The following PIK3CG variants were observed in gnomAD, a reference collection of about 807,000 sequenced individuals.
PIK3CG encodes phosphatidylinositol-4,5-bisphosphate 3-kinase catalytic subunit gamma, also known as phosphatidylinositol 4,5-bisphosphate 3-kinase catalytic subunit gamma isoform.
A neutral mutation model predicts 102.3 loss-of-function variants in PIK3CG; 55 were observed. The observed-to-expected ratio is 0.54, with a 90% CI of 0.43 to 0.67. The LOEUF is 0.67. Among genes scored for constraint, PIK3CG ranks in the 30% least tolerant of loss-of-function variants. PIK3CG has a pLI of 0.00. For missense variants in PIK3CG, 1,258 were observed against 1,391.8 expected, an observed-to-expected ratio of 0.90 and a Z score of 1.53; for synonymous variants, 552 against 540.0, an observed-to-expected ratio of 1.02 and a Z score of -0.31.
At chr7:106,896,196 G>T (rs898664350) in intron 10 of PIK3CG, among the ~76,000 whole-genome samples, 12 of 152,208 alleles carry the variant, frequency 7.9e-5, no homozygotes, top group Non-Finnish European at 1.3e-4. Flanking sequence ...GTACAGCAGG[G>T]ATAGGTGAAT....
rs1791451031 is a variant in PIK3CG at position 106,897,971 on chromosome 7, A to G, written c.3031-7138A>G. Among the ~76,000 whole-genome samples, 1 of 152,166 alleles carries G rather than the reference A, an allele frequency of 6.6e-6. No individual in the cohort carries two copies. Among genetic ancestry groups the G allele is most frequent in the African/African-American group, 2.4e-5 (1 of 41,432 alleles). ...AAGAATCGCCACATTGCTTTCCACAATGGTTGAACTAATTTACACTACCAC... is the reference window on the plus strand; with the variant it reads ...AAGAATCGCCACATTGCTTTCCACAGTGGTTGAACTAATTTACACTACCAC... On this transcript the variant is annotated intron_variant, in intron 10 of 10. Coordinates refer to ENST00000496166, the MANE Select transcript of PIK3CG (RefSeq NM_001282426.2). The surrounding 1 kb of genome is among the most constrained non-coding windows in gnomAD (Gnocchi z 4.6).
At position 106,903,925 on chromosome 7, in the gene PIK3CG, A is replaced by AT. The variant is rs1283582821; in HGVS notation, c.3031-1177dup. Reference sequence around the variant, plus strand: ...AGACACATGCCACCACACCCAGCTAATTTTTTTGTATTTTTAGTAGAGACG... The same window carrying AT: ...AGACACATGCCACCACACCCAGCTAATTTTTTTTGTATTTTTAGTAGAGACG... On this transcript the variant is annotated intron_variant, in intron 10 of 10. Transcript: ENST00000496166. The surrounding 1 kb of genome is among the most constrained non-coding windows in gnomAD (Gnocchi z 4.3). 4.0e-5 allele frequency among the ~76,000 whole-genome samples: 6 copies of AT among 151,528 alleles called. No individual in the cohort carries two copies. Among genetic ancestry groups the AT allele is most frequent in the Non-Finnish European group, 4.4e-5 (3 of 67,820 alleles).
rs558903050 is a variant in PIK3CG at position 106,879,055 on chromosome 7, A to G, written c.2392-464A>G. Among the ~76,000 whole-genome samples, 1 of 152,312 alleles carries G rather than the reference A, an allele frequency of 6.6e-6. No homozygotes were observed. The highest frequency in any genetic ancestry group is 1.9e-4 in the East Asian group (1 of 5,194). On this transcript the variant is annotated intron_variant, in intron 5 of 10. Transcript: ENST00000496166. The surrounding 1 kb of genome is among the most constrained non-coding windows in gnomAD (Gnocchi z 4.9). ...GCCAGATTTTCCATTTATTTCTGTT[A>G]AATTTCATCTGCTTAGATGTAGCCT...
rs1022959916 is a variant in PIK3CG, at chr7:106,895,995, C to A, written c.3031-9114C>A. Among the ~76,000 whole-genome samples, 1 of 152,190 alleles carries A rather than the reference C, an allele frequency of 6.6e-6. No homozygotes were observed. The highest frequency in any genetic ancestry group is 2.4e-5 in the African/African-American group (1 of 41,460). ...CTAAGTGTGTACAGCCCATCAGAATCTCGACACTGTGTTTGACAAGCATGG... is the reference window on the plus strand; with the variant it reads ...CTAAGTGTGTACAGCCCATCAGAATATCGACACTGTGTTTGACAAGCATGG... On this transcript the variant is annotated intron_variant, in intron 10 of 10. Coordinates refer to ENST00000496166, the MANE Select transcript of PIK3CG (RefSeq NM_001282426.2). This position sits in a 1 kb window ranked among gnomAD's most constrained non-coding sequence, Gnocchi z 5.4.
rs1280688272 is a variant in PIK3CG at position 106,879,213 on chromosome 7, T to G, written c.2392-306T>G. Among the ~76,000 whole-genome samples the G allele has an allele frequency of 6.6e-6, 1 of 152,146 alleles. No individual in the cohort carries two copies. Among genetic ancestry groups the G allele is most frequent in the Non-Finnish European group, 1.5e-5 (1 of 68,028 alleles). ...GTCTATTAAAGAGGATGTGGGAGTG[T>G]CAGAGCTCTGTGTGCGTGGGGAGGG... On this transcript the variant is annotated intron_variant, in intron 5 of 10. Coordinates refer to ENST00000496166, the MANE Select transcript of PIK3CG (RefSeq NM_001282426.2). The surrounding 1 kb of genome is among the most constrained non-coding windows in gnomAD (Gnocchi z 4.9).
chr7:106,908,248 C>A lies in PIK3CG; in HGVS notation c.*2861C>A, dbSNP rs905394831. Among the ~76,000 whole-genome samples, 1 of 152,202 alleles carries A rather than the reference C, an allele frequency of 6.6e-6. No individual in the cohort carries two copies. Among genetic ancestry groups the A allele is most frequent in the African/African-American group, 2.4e-5 (1 of 41,450 alleles). ...ACACCAAGCACAGTGCCCTTCTGAG[C>A]ATGAGGCTCTGTGTGACTGCATGGG... On this transcript the variant is annotated 3_prime_UTR_variant, in exon 11 of 11. Coordinates refer to ENST00000496166, the MANE Select transcript of PIK3CG (RefSeq NM_001282426.2). This position sits in a 1 kb window ranked among gnomAD's most constrained non-coding sequence, Gnocchi z 4.1.
At chr7:106,885,767 C>A (rs2116557998) in intron 9 of PIK3CG, among the ~76,000 whole-genome samples, 1 of 152,148 alleles carries the variant, frequency 6.6e-6, no homozygotes, top group East Asian at 1.9e-4. Flanking sequence ...TGCCCCCAAG[C>A]AGAGTGAAAC....
intron 10 of PIK3CG, among the ~76,000 whole-genome samples, chr7:106,900,239 A>G (rs910326352): frequency 1.3e-5 from 2 of 151,750 alleles, no homozygotes; most frequent in African/African-American, 4.8e-5. Flanking sequence ...TTATATATAT[A>G]TTTAGGCTAC....
rs777974045 is a variant in PIK3CG, at chr7:106,879,898, A to G, written c.2538+233A>G. ...AGTTGCATATCTAACACTCCCAAGT[A>G]GCCAGATATACCTCCCTCACCTAAT... On this transcript the variant is annotated intron_variant, in intron 6 of 10. Transcript: ENST00000496166. The surrounding 1 kb of genome is among the most constrained non-coding windows in gnomAD (Gnocchi z 4.9). 2.6e-5 allele frequency among the ~76,000 whole-genome samples: 4 copies of G among 152,240 alleles called. No homozygotes were observed. Among genetic ancestry groups the G allele is most frequent in the Admixed American group, 2.0e-4 (3 of 15,290 alleles).
Position 106,872,485 on chromosome 7 carries a change from A to G in PIK3CG, c.1996-52A>G, listed in dbSNP as rs1790565748. On this transcript the variant is annotated intron_variant, in intron 2 of 10. Transcript: ENST00000496166. The surrounding 1 kb of genome is among the most constrained non-coding windows in gnomAD (Gnocchi z 5.3). ...GTTCTTCTCCATTTCCTTTTCCCTG[A>G]TTCAACGACATAGAGTACAGTCCTA... 1.4e-6 allele frequency: 2 copies of G among 1,404,500 alleles called. No homozygotes were observed. The highest frequency in any genetic ancestry group is 2.0e-6 in the Non-Finnish European group (2 of 993,594). The allele number at this position is 1,404,500 out of a possible 1,614,324, so 87.0% of individuals were successfully genotyped here.
At chr7:106,875,938 C>T (rs775513902) in intron 5 of PIK3CG, among the ~76,000 whole-genome samples, 6 of 138,636 alleles carry the variant, frequency 4.3e-5, no homozygotes, top group Non-Finnish European at 7.6e-5. Context: ...GACGGAGTCT[C>T]GCTCTGTTGC....
rs751474737 is a variant in PIK3CG at position 106,868,042 on chromosome 7, G to A, written c.481G>A (p.Asp161Asn). The change falls in exon 2 of 11, where the codon GAC (aspartate) becomes AAC (asparagine). Residue 161 changes from aspartate (D) to asparagine (N), a missense_variant. Coordinates refer to ENST00000496166, the MANE Select transcript of PIK3CG (RefSeq NM_001282426.2). The surrounding 1 kb of genome is among the most constrained non-coding windows in gnomAD (Gnocchi z 6.2). ...GCAGCTCACGGCGCTGATTGGCTAT[G>A]ACGTCACTGACGTCAGCAACGTGCA... ...QRQLTALIGY[D>N]VTDVSNVHDD... 5 of 1,612,542 alleles carry A rather than the reference G, an allele frequency of 3.1e-6. No individual in the cohort carries two copies. The highest frequency in any genetic ancestry group is 4.2e-6 in the Non-Finnish European group (5 of 1,179,194).
In PIK3CG at chr7:106,906,533, A is replaced by G. The variant is rs2116623112; in HGVS notation, c.*1146A>G. On this transcript the variant is annotated 3_prime_UTR_variant, in exon 11 of 11. Coordinates refer to ENST00000496166, the MANE Select transcript of PIK3CG (RefSeq NM_001282426.2). Reference sequence around the variant, plus strand: ...ACTTGCCTTATCCATTTCCCATTTAAAGGACTTTTAAACTTTGACACATCC... The same window carrying G: ...ACTTGCCTTATCCATTTCCCATTTAGAGGACTTTTAAACTTTGACACATCC... 4.3e-6 allele frequency: 1 copy of G among 230,470 alleles called. No homozygotes were observed. Among genetic ancestry groups the G allele is most frequent in the East Asian group, 6.2e-5 (1 of 16,074 alleles). 14.3% of individuals were successfully genotyped at this position (230,470 alleles called of 1,614,324 possible). A position where few individuals can be genotyped will look rare whatever the true frequency, so the allele number is the denominator to read the frequency against.
rs1241541272 is a variant in PIK3CG at position 106,868,284 on chromosome 7, C to T, written c.723C>T (p.Pro241=). Residue 241 remains proline, a synonymous_variant, in exon 2 of 11, where the codon CCC becomes CCT. Coordinates refer to ENST00000496166, the MANE Select transcript of PIK3CG (RefSeq NM_001282426.2). This position sits in a 1 kb window ranked among gnomAD's most constrained non-coding sequence, Gnocchi z 6.2. Reference sequence around the variant, plus strand: ...TTAAGGTCTCACCCGACGACACCCCCGGCGCCATCCTGCAGAGCTTCTTCA... The same window carrying T: ...TTAAGGTCTCACCCGACGACACCCCTGGCGCCATCCTGCAGAGCTTCTTCA... The part of the protein sequence containing the change: ...QTIKVSPDDT[P]GAILQSFFTK... 4.3e-6 allele frequency: 7 copies of T among 1,613,954 alleles called. No homozygotes were observed. The Admixed American group carries it at 1.2e-4, about 27-fold the overall frequency.
At position 106,868,037 on chromosome 7, in the gene PIK3CG, G is replaced by A. The variant is rs2116428816; in HGVS notation, c.476G>A (p.Gly159Asp). The A allele has an allele frequency of 6.2e-7, 1 of 1,612,502 alleles. No individual in the cohort carries two copies. Among genetic ancestry groups the A allele is most frequent in the Non-Finnish European group, 8.5e-7 (1 of 1,179,218 alleles). Residue 159 changes from glycine (G) to aspartate (D), a missense_variant, in exon 2 of 11, where the codon GGC becomes GAC. Gly to Asp is a moderately conservative substitution (Grantham distance 94). Around this residue, in one of 2 missense-constraint regions of PIK3CG, gnomAD observed 832 missense variants for 787.5 expected, o/e 1.06. Coordinates refer to ENST00000496166, the MANE Select transcript of PIK3CG (RefSeq NM_001282426.2). The surrounding 1 kb of genome is among the most constrained non-coding windows in gnomAD (Gnocchi z 6.2). ...CAGCGGCAGCTCACGGCGCTGATTG[G>A]CTATGACGTCACTGACGTCAGCAAC... Reference protein sequence around the residue: ...AFQRQLTALIGYDVTDVSNVH... With the variant: ...AFQRQLTALIDYDVTDVSNVH...
At chr7:106,875,255 G>A (rs1239989131) in intron 5 of PIK3CG, among the ~76,000 whole-genome samples, 3 of 151,782 alleles carry the variant, frequency 2.0e-5, no homozygotes, top group Non-Finnish European at 4.4e-5. Context: ...TCGGGAGGCT[G>A]AGGCAGGAGA....
At position 106,893,459 on chromosome 7, in the gene PIK3CG, G is replaced by T. The variant is rs531379449; in HGVS notation, c.3030+7167G>T. Among the ~76,000 whole-genome samples the T allele has an allele frequency of 3.7e-4, 57 of 152,288 alleles. No homozygotes were observed. The highest frequency in any genetic ancestry group is 1.3e-3 in the African/African-American group (54 of 41,564). ...AAAGATACGAATCCAAAACTGGAAA[G>T]ATAATAACCTTTTAATTGACATCAT... On this transcript the variant is annotated intron_variant, in intron 10 of 10. Coordinates refer to ENST00000496166, the MANE Select transcript of PIK3CG (RefSeq NM_001282426.2). The surrounding 1 kb of genome is among the most constrained non-coding windows in gnomAD (Gnocchi z 4.4).
At chr7:106,887,051 G>A (rs1432338296) in intron 10 of PIK3CG, among the ~76,000 whole-genome samples, 1 of 152,098 alleles carries the variant, frequency 6.6e-6, no homozygotes, top group African/African-American at 2.4e-5. Flanking sequence ...ATTTGTGTTG[G>A]GCCACATTAA....
chr7:106,875,857 T>C (rs927971402), intron 5 of PIK3CG, among the ~76,000 whole-genome samples: 3 of 152,000 alleles, frequency 2.0e-5, no homozygotes, highest in African/African-American at 7.2e-5. Context: ...ATACGATGAG[T>C]TCTAGTTGTT....
Sources: gnomAD v4.1 joint callset for allele counts (sites outside exome capture counted in the v4.1 genomes callset) on GRCh38, gnomAD v4.1.1 for gene constraint, gnomAD v4.1.1 regional missense constraint, Gnocchi (gnomAD v3.1) non-coding constraint, MANE v1.5 for transcripts, NCBI Gene and HGNC (gene_info 2026-07-23, HGNC 2026-07-21) for gene names.